The following MARCHF5 variants were observed in gnomAD, a reference collection of about 807,000 sequenced individuals.
MARCHF5 encodes membrane associated ring-CH-type finger 5.
Under a neutral mutation model 36.5 loss-of-function variants are expected in MARCHF5, and 5 were observed. The observed-to-expected ratio is 0.14, with a 90% CI of 0.07 to 0.29. The LOEUF is 0.29. Ranked by LOEUF, MARCHF5 falls within the 10% of genes least tolerant of loss-of-function variation. The pLI is 1.00. For missense variants in MARCHF5, 179 were observed against 336.3 expected (o/e 0.53, Z 3.66); for synonymous variants, 103 against 109.9 (o/e 0.94, Z 0.39).
At chr10:92,310,327 G>A (rs1181180315) in intron 1 of MARCHF5, among the ~76,000 whole-genome samples, 2 of 152,106 alleles carry the variant, frequency 1.3e-5, no homozygotes, top group Non-Finnish European at 1.5e-5. Context: ...GATGGAAATC[G>A]ATGTCAAAAC....
At chr10:92,315,131 TATC>T (rs972813716) in intron 2 of MARCHF5, among the ~76,000 whole-genome samples, 22 of 152,290 alleles carry the variant, frequency 1.4e-4, no homozygotes, top group African/African-American at 5.3e-4. Flanking sequence ...TAAAAGAAAA[TATC>T]TTCTTCTAAA....
intron 2 of MARCHF5, among the ~76,000 whole-genome samples, chr10:92,338,269 A>G (rs1039911320): frequency 1.3e-5 from 2 of 152,196 alleles, no homozygotes; most frequent in African/African-American, 2.4e-5. Flanking sequence ...AACTTCTACT[A>G]CTAGCATTTG....
intron 2 of MARCHF5, among the ~76,000 whole-genome samples, chr10:92,340,454 C>A (rs1208081896): frequency 1.3e-5 from 2 of 152,172 alleles, no homozygotes; most frequent in Non-Finnish European, 2.9e-5. Flanking sequence ...TGCCTGTAAT[C>A]CCAACATTTT....
chr10:92,320,675 A>G (rs1433885081), intron 2 of MARCHF5, among the ~76,000 whole-genome samples: 2 of 152,114 alleles, frequency 1.3e-5, no homozygotes, highest in Non-Finnish European at 2.9e-5. Flanking sequence ...AAATAAGGAT[A>G]AAAAATTTTT....
rs1176704499 is a variant in MARCHF5 at position 92,345,830 on chromosome 10, G to A, written c.370-3519G>A. Among the ~76,000 whole-genome samples the A allele has an allele frequency of 2.6e-5, 4 of 151,818 alleles. No individual in the cohort carries two copies. In the South Asian group the frequency reaches 8.3e-4, roughly 32 times the overall value. On this transcript the variant is annotated intron_variant, in intron 3 of 5. Coordinates refer to ENST00000358935, the MANE Select transcript of MARCHF5 (RefSeq NM_017824.5). ...CCACCTCAGCCTCCTGCACAGCTGG[G>A]ACTACATACACATGCCACCACGCCC... is the stretch of plus-strand genomic sequence containing the variant.
intron 2 of MARCHF5, among the ~76,000 whole-genome samples, chr10:92,333,042 C>T (rs552374186): frequency 6.6e-6 from 1 of 151,912 alleles, no homozygotes; most frequent in South Asian, 2.1e-4. Context: ...TGACTGTAAT[C>T]CCAGCTACTC....
At chr10:92,303,806 ACTATACAT>A (rs1233180918) in intron 1 of MARCHF5, among the ~76,000 whole-genome samples, 4 of 152,182 alleles carry the variant, frequency 2.6e-5, no homozygotes, top group Admixed American at 2.0e-4. Context: ...TACCAGTAAG[ACTATACAT>A]CTGTTCTTAG....
rs116036272 is a variant in MARCHF5 at position 92,297,620 on chromosome 10, T to A, written c.35+6091T>A. Among the ~76,000 whole-genome samples the A allele has an allele frequency of 3.8e-3, 570 of 151,500 alleles. 2 individuals carry two copies. Among genetic ancestry groups the A allele is most frequent in the African/African-American group, 0.013 (530 of 41,248 alleles). The stretch of plus-strand genomic sequence containing the variant: ...GATTCTCCCACCTCAACCTCCCAAG[T>A]GGCTGGGACTACAAGCACGTGCCAC... On this transcript the variant is annotated intron_variant, in intron 1 of 5. Coordinates refer to ENST00000358935, the MANE Select transcript of MARCHF5 (RefSeq NM_017824.5).
At chr10:92,296,251 C>G (rs1256549223) in intron 1 of MARCHF5, among the ~76,000 whole-genome samples, 1 of 151,994 alleles carries the variant, frequency 6.6e-6, no homozygotes, top group African/African-American at 2.4e-5. Flanking sequence ...TTATTTGAAC[C>G]TTTTAAGTTG....
intron 2 of MARCHF5, among the ~76,000 whole-genome samples, chr10:92,315,851 T>G (rs1039692767): frequency 6.6e-6 from 1 of 152,216 alleles, no homozygotes; most frequent in Non-Finnish European, 1.5e-5. Context: ...TTTTCCTTAT[T>G]ATGATAGTGT....
intron 2 of MARCHF5, among the ~76,000 whole-genome samples, chr10:92,321,859 A>G (rs1378261896): frequency 6.6e-6 from 1 of 151,884 alleles, no homozygotes; most frequent in Non-Finnish European, 1.5e-5. Flanking sequence ...AATCCTTTTC[A>G]TTTCTGTAAG....
intron 2 of MARCHF5, among the ~76,000 whole-genome samples, chr10:92,317,381 G>C (rs762429110): frequency 3.3e-5 from 5 of 152,132 alleles, no homozygotes; most frequent in Admixed American, 6.5e-5. Context: ...TTGCAGGTGT[G>C]AGCCACCACG....
intron 1 of MARCHF5, among the ~76,000 whole-genome samples, chr10:92,294,249 T>C (rs536042626): frequency 1.2e-3 from 182 of 152,314 alleles, no homozygotes; most frequent in Middle Eastern, 0.01. Flanking sequence ...TGCCACTTAC[T>C]AGCTATGTGA....
intron 3 of MARCHF5, among the ~76,000 whole-genome samples, chr10:92,347,517 GATAGATGATAGATAT>G (rs57695984): frequency 0.2 from 6,935 of 34,406 alleles, 229 homozygotes; most frequent in Middle Eastern, 0.24. Context: ...TAGATAGATA[GATAGATGATAGATAT>G]ATAGATAGAT....
intron 2 of MARCHF5, among the ~76,000 whole-genome samples, chr10:92,332,395 CTT>C (rs939659211): frequency 6.6e-6 from 1 of 151,812 alleles, no homozygotes; most frequent in Non-Finnish European, 1.5e-5. Flanking sequence ...AGAGATGAAA[CTT>C]ACATAAGCGA....
At chr10:92,292,532 T>A (rs982627408) in intron 1 of MARCHF5, among the ~76,000 whole-genome samples, 1 of 152,208 alleles carries the variant, frequency 6.6e-6, no homozygotes, top group Non-Finnish European at 1.5e-5. Flanking sequence ...AGTTAAATGC[T>A]TTTGGGCCTG....
chr10:92,326,998 G>T (rs1590659669), intron 2 of MARCHF5, among the ~76,000 whole-genome samples: 1 of 151,752 alleles, frequency 6.6e-6, no homozygotes, highest in East Asian at 1.9e-4. Flanking sequence ...ATTGCAGTTT[G>T]TTTCTCTTTT....
At chr10:92,334,051 G>T (rs376221506) in intron 2 of MARCHF5, among the ~76,000 whole-genome samples, 9 of 152,174 alleles carry the variant, frequency 5.9e-5, no homozygotes, top group African/African-American at 2.2e-4. Flanking sequence ...TTAGCTAGGT[G>T]TGGTGGCATG....
intron 2 of MARCHF5, among the ~76,000 whole-genome samples, chr10:92,315,966 A>C (rs1159760884): frequency 6.6e-6 from 1 of 152,224 alleles, no homozygotes; most frequent in African/African-American, 2.4e-5. Flanking sequence ...AAATTTGTGA[A>C]ATATTTGTGA....
Sources: allele counts gnomAD v4.1 joint callset (sites outside exome capture counted in the v4.1 genomes callset), GRCh38; gene constraint gnomAD v4.1.1; transcripts MANE v1.5; gene names NCBI Gene and HGNC (gene_info 2026-07-23, HGNC 2026-07-21).